The following PAPLN variants were observed in gnomAD, a reference collection of about 807,000 sequenced individuals.
PAPLN encodes the protein papilin.
In PAPLN, 146 loss-of-function variants were observed where a neutral mutation model predicts 159.0. The ratio of observed to expected loss-of-function variants is 0.92; its 90% confidence interval spans 0.80 to 1.05. The LOEUF (loss-of-function observed/expected upper bound fraction) is 1.05. Among genes scored for constraint, PAPLN ranks in the 50% least tolerant of loss-of-function variants. The pLI is 0.00. For synonymous variants in PAPLN, 734 were observed against 702.9 expected (o/e 1.04, Z -0.70); for missense variants, 1,720 against 1,743.9 (o/e 0.99, Z 0.24).
At chr14:73,263,452 G>A (rs1341884526) in intron 19 of PAPLN, 193 bp from the exon 20 acceptor site, 8 of 656,858 alleles carry the variant, frequency 1.2e-5, no homozygotes, top group Admixed American at 5.4e-5. Context: ...TGGGGGAGCC[G>A]GGGGCAGGTT....
At chr14:73,259,242 T>C (rs1173102276) in intron 15 of PAPLN, 27 bp from the exon 16 acceptor site, 2 of 1,535,098 alleles carry the variant, frequency 1.3e-6, no homozygotes, top group African/African-American at 1.4e-5. Flanking sequence ...GTGGACGCAC[T>C]GTGTGTCTTT....
rs1414444105 is a variant in PAPLN at position 73,245,452 on chromosome 14, T to C, written c.171-184T>C. ...GGTAGGGCTCTGAGTCCCGCTTCTC[T>C]GGAGTACCAACATGGGTCGCTCACT... On this transcript the variant is annotated intron_variant, in intron 3 of 26. Transcript: ENST00000644200. The surrounding 1 kb of genome is among the most constrained non-coding windows in gnomAD (Gnocchi z 4.2). 2 of 622,158 alleles carry C rather than the reference T, an allele frequency of 3.2e-6. No homozygotes were observed. Among genetic ancestry groups the C allele is most frequent in the Non-Finnish European group, 5.6e-6 (2 of 359,362 alleles). 38.5% of individuals were successfully genotyped at this position (622,158 alleles called of 1,614,324 possible). A position where few individuals can be genotyped will look rare whatever the true frequency, so the allele number is the denominator to read the frequency against.
chr14:73,239,960 G>GC, intron 2 of PAPLN, 128 bp downstream of exon 2: 1 of 1,424,242 alleles, frequency 7.0e-7, no homozygotes, highest in Non-Finnish European at 9.2e-7. Context: ...GAGGAGGCGA[G>GC]CCCGCACCGC....
intron 26 of PAPLN, among the ~76,000 whole-genome samples, chr14:73,270,374 G>A (rs1252678468): frequency 6.6e-6 from 1 of 152,214 alleles, no homozygotes; most frequent in African/African-American, 2.4e-5. Context: ...GGTGTTACAG[G>A]GACAAATGTT....
At position 73,265,311 on chromosome 14, in the gene PAPLN, T is replaced by C. The variant is rs899804182; in HGVS notation, c.3126-59T>C. ...CACCAGGCTTGTGCAGAGGTGCCCA[T>C]GGGAGTAGGCGGGGGCAACGGCAAG... On this transcript the variant is annotated intron_variant, in intron 22 of 26. Transcript: ENST00000644200. The surrounding 1 kb of genome is among the most constrained non-coding windows in gnomAD (Gnocchi z 4.1). 5.6e-5 allele frequency: 88 copies of C among 1,579,190 alleles called. No individual in the cohort carries two copies. Among genetic ancestry groups the C allele is most frequent in the Non-Finnish European group, 7.4e-5 (86 of 1,166,974 alleles).
In PAPLN at chr14:73,252,109, C is replaced by T. The variant is rs1170495571; in HGVS notation, c.935C>T (p.Ser312Leu). 5 of 1,609,876 alleles carry T rather than the reference C, an allele frequency of 3.1e-6. No individual in the cohort carries two copies. The highest frequency in any genetic ancestry group is 1.1e-5 in the South Asian group (1 of 90,328). ...CCCGGCTTCAGCTGGAGCCACGGCT[C>T]ATGGAGTGACTGCAGCGCGGAGTGT... The part of the protein sequence containing the change: ...PSPGFSWSHG[S>L]WSDCSAECGG... The change falls in exon 10 of 27, where the codon TCA becomes TTA. Residue 312 changes from serine (S) to leucine (L), a missense_variant. Transcript: ENST00000644200.
intron 2 of PAPLN, among the ~76,000 whole-genome samples, chr14:73,240,977 C>T (rs1215504924): frequency 6.6e-6 from 1 of 151,736 alleles, no homozygotes; most frequent in Non-Finnish European, 1.5e-5. Flanking sequence ...AGGATCCCTG[C>T]GAAAGGACCC....
Position 73,253,895 on chromosome 14 carries a change from G to A in PAPLN, c.1236G>A (p.Lys412=), listed in dbSNP as rs902573345. The change falls in exon 12 of 27, where the codon AAG becomes AAA. Residue 412 remains lysine (K), a synonymous_variant. Coordinates refer to ENST00000644200, the MANE Select transcript of PAPLN (RefSeq NM_001365906.3). ...CTGAGTGTGCCGGGCTGCCTGGGAAGCCCCCTGCCATTCAGGCCTGTAACC... is the reference window on the plus strand; with the variant it reads ...CTGAGTGTGCCGGGCTGCCTGGGAAACCCCCTGCCATTCAGGCCTGTAACC... The part of the protein sequence containing the change: ...EEAECAGLPG[K]PPAIQACNLQ... The A allele has an allele frequency of 6.2e-7, 1 of 1,613,164 alleles. No homozygotes were observed.
intron 20 of PAPLN, 156 bp from the exon 21 acceptor site, chr14:73,264,055 C>T: frequency 6.5e-6 from 10 of 1,541,100 alleles, no homozygotes; most frequent in Non-Finnish European, 7.8e-6. Flanking sequence ...GTGTGTGTGA[C>T]AGCCTCCCCT....
intron 11 of PAPLN, 25 bp from the exon 12 acceptor site, chr14:73,253,729 C>T: frequency 6.4e-7 from 1 of 1,574,192 alleles, no homozygotes; most frequent in Non-Finnish European, 8.7e-7. Context: ...CTGGGCCAGC[C>T]TTACCTGATT....
At chr14:73,251,631 C>T (rs1430617034) in intron 8 of PAPLN, 33 bp from the exon 9 acceptor site, 5 of 1,613,406 alleles carry the variant, frequency 3.1e-6, no homozygotes, top group Non-Finnish European at 4.2e-6. Context: ...GCACTGCTCC[C>T]TCTGGCTGAC....
intron 26 of PAPLN, among the ~76,000 whole-genome samples, chr14:73,269,270 G>T (rs571647903): frequency 6.7e-6 from 1 of 148,508 alleles, no homozygotes; most frequent in African/African-American, 2.5e-5. Context: ...CCTGGGACTA[G>T]AGCCCATGTC....
In PAPLN at chr14:73,250,936, G is replaced by A. The variant is rs61742615; in HGVS notation, c.495G>A (p.Ser165=). ...TCGGCTGTGATCACGAGCTGGACTC[G>A]TCCAAGCAGGAGGACAAGTGTCTGC... is the stretch of plus-strand genomic sequence containing the variant. ...RVVGCDHELD[S]SKQEDKCLRC... Residue 165 remains serine, a synonymous_variant, in exon 7 of 27, where the codon TCG becomes TCA. Transcript: ENST00000644200. 1.5e-5 allele frequency: 25 copies of A among 1,613,532 alleles called. No individual in the cohort carries two copies. The African/African-American group carries it at 1.6e-4, about 10-fold the overall frequency.
At chr14:73,266,938 G>T (rs927707678) in intron 25 of PAPLN, 107 bp downstream of exon 25, 2 of 1,103,922 alleles carry the variant, frequency 1.8e-6, no homozygotes, top group Admixed American at 4.1e-5. Flanking sequence ...CTTCCATTCC[G>T]GCTTCCAGGC....
chr14:73,267,160 G>A (rs1411286632), intron 25 of PAPLN, among the ~76,000 whole-genome samples: 1 of 152,120 alleles, frequency 6.6e-6, no homozygotes, highest in Non-Finnish European at 1.5e-5. Context: ...AGATGCCAGG[G>A]GCACCCTCCC....
chr14:73,251,102 TC>T, intron 7 of PAPLN, 72 bp downstream of exon 7: 2 of 1,552,018 alleles, frequency 1.3e-6, no homozygotes, highest in Non-Finnish European at 1.7e-6. Context: ...CTGTCCCTGC[TC>T]TGGCCTAGAC....
rs967721489 is a variant in PAPLN, at chr14:73,245,846, C to T, written c.231+150C>T. Reference sequence around the variant, plus strand: ...AATCCACAGCAGGGCTGCGTGGGGGCCCCTTCCTCACCCTGCTCCCGGGGA... The same window carrying T: ...AATCCACAGCAGGGCTGCGTGGGGGTCCCTTCCTCACCCTGCTCCCGGGGA... On this transcript the variant is annotated intron_variant, in intron 4 of 26. Transcript: ENST00000644200. The surrounding 1 kb of genome is among the most constrained non-coding windows in gnomAD (Gnocchi z 4.2). 2.5e-5 allele frequency: 27 copies of T among 1,075,630 alleles called. No homozygotes were observed. In the South Asian group the frequency reaches 4.2e-4, roughly 17 times the overall value. 66.6% of individuals were successfully genotyped at this position (1,075,630 alleles called of 1,614,324 possible). A position where few individuals can be genotyped will look rare whatever the true frequency, so the allele number is the denominator to read the frequency against.
Position 73,264,697 on chromosome 14 carries a change from C to A in PAPLN, c.3096C>A (p.Ile1032=). The A allele has an allele frequency of 6.2e-7, 1 of 1,612,724 alleles. No individual in the cohort carries two copies. The highest frequency in any genetic ancestry group is 8.5e-7 in the Non-Finnish European group (1 of 1,179,756). Residue 1032 remains isoleucine, a synonymous_variant, in exon 22 of 27, where the codon ATC becomes ATA. Transcript: ENST00000644200. Reference sequence around the variant, plus strand: ...GGGCTGCTGGGCCCCTGGGGGCCATCCCCTCTTCACACCCACAGCCTGCAA... The same window carrying A: ...GGGCTGCTGGGCCCCTGGGGGCCATACCCTCTTCACACCCACAGCCTGCAA... ...QAGAAGPLGA[I]PSSHPQPANR...
chr14:73,239,908 A>G (rs1037777712), intron 2 of PAPLN, 76 bp downstream of exon 2: 5 of 1,478,926 alleles, frequency 3.4e-6, no homozygotes, highest in Middle Eastern at 2.4e-4. Context: ...GCCCGCAGGC[A>G]ACGTCCCCAG....
Sources: gnomAD v4.1 joint callset for allele counts (sites outside exome capture counted in the v4.1 genomes callset) on GRCh38, gnomAD v4.1.1 for gene constraint, Gnocchi (gnomAD v3.1) non-coding constraint, MANE v1.5 for transcripts, NCBI Gene and HGNC (gene_info 2026-07-23, HGNC 2026-07-21) for gene names.